DDB1: variants seen among roughly 807,000 people sequenced by gnomAD.
DDB1 encodes the protein DNA damage-binding protein 1.
Under a neutral mutation model 133.1 loss-of-function variants are expected in DDB1, and 18 were observed. The observed-to-expected ratio is 0.14, with a 90% confidence interval of 0.09 to 0.20. The LOEUF (loss-of-function observed/expected upper bound fraction) is 0.20, where lower values mean the gene tolerates loss of function less well. Among genes scored for constraint, DDB1 ranks in the 10% least tolerant of loss-of-function variants. The pLI, the probability that DDB1 is intolerant of heterozygous loss-of-function variation, is 1.00. For synonymous variants in DDB1, 580 were observed against 550.5 expected (o/e 1.05, Z -0.75); for missense variants, 828 against 1,459.2 (o/e 0.57, Z 7.05).
chr11:61,316,942 G>T (rs1446190505), intron 10 of DDB1, among the ~76,000 whole-genome samples: 1 of 27,066 alleles, frequency 3.7e-5, no homozygotes, highest in Non-Finnish European at 8.1e-5. Flanking sequence ...AAAAAAAAAG[G>T]ATAGATATAT....
At chr11:61,322,209 C>T in intron 9 of DDB1, 87 bp downstream of exon 9, 1 of 1,047,692 alleles carries the variant, frequency 9.5e-7, no homozygotes, top group Non-Finnish European at 1.5e-6. Flanking sequence ...ATTTTCAGTG[C>T]ACCCTCCCCA....
intron 16 of DDB1, among the ~76,000 whole-genome samples, chr11:61,312,577 T>C (rs1855994749): frequency 6.7e-6 from 1 of 148,216 alleles, no homozygotes; most frequent in Admixed American, 6.7e-5. Flanking sequence ...CGGTGAAATC[T>C]AAGCTCACTG....
intron 3 of DDB1, 91 bp from the exon 4 acceptor site, chr11:61,329,675 A>C: frequency 7.9e-7 from 1 of 1,258,434 alleles, no homozygotes; most frequent in South Asian, 1.4e-5. Context: ...AAATTTTAGG[A>C]GAGGTATTAA....
intron 25 of DDB1, 190 bp from the exon 26 acceptor site, chr11:61,301,122 G>GAACCAATTAGA: frequency 1.4e-6 from 1 of 738,216 alleles, no homozygotes; most frequent in Non-Finnish European, 2.1e-6. Flanking sequence ...AATCTAATTG[G>GAACCAATTAGA]TTCTCAATTG....
At chr11:61,314,577 C>T (rs1226290508) in intron 12 of DDB1, 91 bp from the exon 13 acceptor site, 10 of 1,281,256 alleles carry the variant, frequency 7.8e-6, no homozygotes, top group Non-Finnish European at 1.1e-5. Context: ...CTAATAGAGC[C>T]CTACGAATAA....
At chr11:61,313,405 G>T in intron 16 of DDB1, 94 bp downstream of exon 16, 2 of 1,157,812 alleles carry the variant, frequency 1.7e-6, no homozygotes, top group South Asian at 1.5e-5. Context: ...TTATGATTTT[G>T]ACACCGGAAA....
rs765216061 is a variant in DDB1, at chr11:61,316,175, A to T, written c.1410+110T>A. The T allele has an allele frequency of 1.0e-5, 9 of 903,452 alleles. 1 individual carries two copies. The highest frequency in any genetic ancestry group is 1.4e-5 in the Non-Finnish European group (8 of 578,394). The allele number at this position is 903,452 out of a possible 1,614,324, so 56.0% of individuals were successfully genotyped here. ...GTAATTTTTTCCCTAGAATTTTTAC[A>T]TTATTTTTGGAGCCATAAAAATTGG... On this transcript the variant is annotated intron_variant, in intron 12 of 26. Transcript: ENST00000301764.
chr11:61,323,420 CT>C, intron 7 of DDB1: 4 of 287,624 alleles, frequency 1.4e-5, no homozygotes, highest in Middle Eastern at 1.2e-3. Flanking sequence ...TTTTTTTTTT[CT>C]TTTTTTGAGA....
chr11:61,331,973 G>A (rs934786030), intron 1 of DDB1: 11 of 332,788 alleles, frequency 3.3e-5, no homozygotes, highest in Admixed American at 2.5e-4. Context: ...CCCTTCTCAT[G>A]CCTCTTGCCC....
At chr11:61,329,707 G>A in intron 3 of DDB1, 123 bp from the exon 4 acceptor site, 1 of 907,928 alleles carries the variant, frequency 1.1e-6, no homozygotes, top group Non-Finnish European at 1.6e-6. Flanking sequence ...CTATTTGATA[G>A]GCCAAATAGT....
chr11:61,303,220 A>G, intron 22 of DDB1, 65 bp from the exon 23 acceptor site: 1 of 1,474,034 alleles, frequency 6.8e-7, no homozygotes, highest in Non-Finnish European at 9.5e-7. Context: ...CAGTTCTGGG[A>G]CTTGTGTTTC....
At chr11:61,309,986 G>C in intron 19 of DDB1, 26 bp from the exon 20 acceptor site, 1 of 1,614,126 alleles carries the variant, frequency 6.2e-7, no homozygotes, top group African/African-American at 1.3e-5. Context: ...ATGACTACGT[G>C]ATGACAGGTT....
At chr11:61,320,826 C>T (rs972967303) in intron 10 of DDB1, among the ~76,000 whole-genome samples, 2 of 151,838 alleles carry the variant, frequency 1.3e-5, no homozygotes, top group African/African-American at 4.8e-5. Flanking sequence ...CATATCAATT[C>T]TGTCATACTG....
In DDB1 at chr11:61,316,412, C is replaced by T. The variant is rs367751674; in HGVS notation, c.1302-19G>A. Reference sequence around the variant, plus strand: ...GAGAACTCTGCAGCAGAATGGAGGGCCTGGGTCAGCCTGGGACCAGCTTCC... The same window carrying T: ...GAGAACTCTGCAGCAGAATGGAGGGTCTGGGTCAGCCTGGGACCAGCTTCC... On this transcript the variant is annotated intron_variant, in intron 11 of 26. Coordinates refer to ENST00000301764, the MANE Select transcript of DDB1 (RefSeq NM_001923.5). 72 of 1,613,298 alleles carry T rather than the reference C, an allele frequency of 4.5e-5. No homozygotes were observed. In the South Asian group the frequency reaches 7.4e-4, roughly 16 times the overall value.
rs926342310 is a variant in DDB1, at chr11:61,324,198, C to G, written c.763-61G>C. 3.8e-6 allele frequency: 6 copies of G among 1,589,374 alleles called. No homozygotes were observed. The African/African-American group carries it at 6.7e-5, about 18-fold the overall frequency. ...GCATCTTCTACACCAGAAAACAAAC[C>G]CTACTGGACCACTCCCTTTACCAAA... is the stretch of plus-strand genomic sequence containing the variant. On this transcript the variant is annotated intron_variant, in intron 6 of 26. Coordinates refer to ENST00000301764, the MANE Select transcript of DDB1 (RefSeq NM_001923.5).
intron 21 of DDB1, among the ~76,000 whole-genome samples, chr11:61,307,574 C>T (rs1855897817): frequency 6.6e-6 from 1 of 152,234 alleles, no homozygotes; most frequent in Admixed American, 6.5e-5. Flanking sequence ...ATCTTCAGAT[C>T]CTGTCTCTAT....
chr11:61,300,768 G>C, intron 26 of DDB1, 41 bp downstream of exon 26: 1 of 1,612,150 alleles, frequency 6.2e-7, no homozygotes. Flanking sequence ...CCAACCTGCA[G>C]TGGACTTGTC....
chr11:61,326,404 C>T (rs138110556), intron 5 of DDB1, among the ~76,000 whole-genome samples: 5 of 152,044 alleles, frequency 3.3e-5, no homozygotes, highest in Non-Finnish European at 7.4e-5. Flanking sequence ...GAACCTCCCA[C>T]CTCAGCCTCT....
In DDB1 at chr11:61,313,699, C is replaced by A; in HGVS notation, c.1869G>T (p.Leu623Phe). 1 of 1,609,520 alleles carries A rather than the reference C, an allele frequency of 6.2e-7. No homozygotes were observed. The highest frequency in any genetic ancestry group is 1.1e-5 in the South Asian group (1 of 90,606). ...YFGLNIETGLLSDRKKVTLGT... is the reference protein window; with the variant it reads ...YFGLNIETGLFSDRKKVTLGT... Reference sequence around the variant, plus strand: ...CCAAAGTCACCTTCTTACGGTCGCTCAACAGACCTACAGAGAGAATGACAT... The same window carrying A: ...CCAAAGTCACCTTCTTACGGTCGCTAAACAGACCTACAGAGAGAATGACAT... Residue 623 changes from leucine to phenylalanine, a missense_variant, in exon 16 of 27, where the codon TTG (leucine) becomes TTT (phenylalanine). This residue lies in a region of DDB1 where 396 missense variants were observed against 554.1 expected (regional missense o/e 0.71). Transcript: ENST00000301764.
Sources: allele counts gnomAD v4.1 joint callset (sites outside exome capture counted in the v4.1 genomes callset), GRCh38; gene constraint gnomAD v4.1.1; regional missense constraint gnomAD v4.1.1; transcripts MANE v1.5; gene names NCBI Gene and HGNC (gene_info 2026-07-23, HGNC 2026-07-21).